The following ADAMTSL1 variants were observed in gnomAD, a reference collection of about 807,000 sequenced individuals.
ADAMTSL1 encodes the protein ADAMTS-like protein 1.
Under a neutral mutation model 201.8 loss-of-function variants are expected in ADAMTSL1, and 126 were observed. That is an observed-to-expected ratio of 0.62 (90% CI 0.54 to 0.72). The LOEUF (loss-of-function observed/expected upper bound fraction) is 0.72. Among genes scored for constraint, ADAMTSL1 ranks in the 30% least tolerant of loss-of-function variants. The pLI, the probability that ADAMTSL1 is intolerant of heterozygous loss-of-function variation, is 0.00. For missense variants in ADAMTSL1, 2,679 were observed against 2,277.8 expected (o/e 1.18, Z -3.59); for synonymous variants, 1,121 against 903.4 (o/e 1.24, Z -4.32).
At chr9:18,566,501 A>G (rs1821901963) in intron 3 of ADAMTSL1, among the ~76,000 whole-genome samples, 1 of 152,324 alleles carries the variant, frequency 6.6e-6, no homozygotes, top group Non-Finnish European at 1.5e-5. Flanking sequence ...AGCAGTGGGA[A>G]TGGGATTGCA....
chr9:18,577,558 G>A (rs1276068238), intron 4 of ADAMTSL1, among the ~76,000 whole-genome samples: 5 of 152,082 alleles, frequency 3.3e-5, no homozygotes, highest in African/African-American at 4.8e-5. Flanking sequence ...GTCAAGATAC[G>A]CAACGTCCCT....
At chr9:18,354,295 T>C (rs1170150198) in intron 2 of ADAMTSL1, among the ~76,000 whole-genome samples, 2 of 152,062 alleles carry the variant, frequency 1.3e-5, no homozygotes, top group African/African-American at 2.4e-5. Context: ...ATAATATAAA[T>C]AAATATTATT....
intron 1 of ADAMTSL1, among the ~76,000 whole-genome samples, chr9:18,126,931 G>A (rs1397585926): frequency 6.6e-6 from 1 of 152,170 alleles, no homozygotes; most frequent in East Asian, 1.9e-4. Context: ...TATCATCGGT[G>A]GTAAGCATCA....
intron 1 of ADAMTSL1, among the ~76,000 whole-genome samples, chr9:18,137,325 C>T (rs1826201044): frequency 6.6e-6 from 1 of 152,104 alleles, no homozygotes; most frequent in South Asian, 2.1e-4. Context: ...AATTATAATA[C>T]ATATCATAGA....
rs572989443 is a variant in ADAMTSL1 at position 17,987,486 on chromosome 9, C to T, written c.87+80564C>T. Among the ~76,000 whole-genome samples, 41 of 152,024 alleles carry T rather than the reference C, an allele frequency of 2.7e-4. 1 individual carries two copies. In the South Asian group the frequency reaches 4.4e-3, roughly 16 times the overall value. On this transcript the variant is annotated intron_variant, in intron 1 of 29. Coordinates refer to the ADAMTSL1 transcript ENST00000680146. Reference sequence around the variant, plus strand: ...ATGACTAAAGCAAAGAGAATTTAAACGAAATATGGAAGAGGGAAGTGTTTA... The same window carrying T: ...ATGACTAAAGCAAAGAGAATTTAAATGAAATATGGAAGAGGGAAGTGTTTA...
At chr9:17,962,611 G>A (rs546198943) in intron 1 of ADAMTSL1, among the ~76,000 whole-genome samples, 1 of 152,178 alleles carries the variant, frequency 6.6e-6, no homozygotes, top group Admixed American at 6.5e-5. Flanking sequence ...CCTGGAACCA[G>A]TGTGCTTCAA....
At chr9:17,985,704 G>T (rs1387364527) in intron 1 of ADAMTSL1, among the ~76,000 whole-genome samples, 1 of 152,052 alleles carries the variant, frequency 6.6e-6, no homozygotes, top group Non-Finnish European at 1.5e-5. Context: ...AATATCACAT[G>T]GGAAGCAAGC....
At chr9:18,171,761 A>G (rs1002135540) in intron 2 of ADAMTSL1, among the ~76,000 whole-genome samples, 3 of 152,076 alleles carry the variant, frequency 2.0e-5, no homozygotes, top group African/African-American at 7.2e-5. Flanking sequence ...GCCCATGCCT[A>G]TGTCCTGAAT....
intron 1 of ADAMTSL1, among the ~76,000 whole-genome samples, chr9:18,480,648 C>T (rs1270628451): frequency 6.6e-6 from 1 of 152,286 alleles, no homozygotes; most frequent in Admixed American, 6.5e-5. Flanking sequence ...AATTTAGATG[C>T]TATACATGCC....
At chr9:17,972,311 C>A in intron 1 of ADAMTSL1, among the ~76,000 whole-genome samples, 1 of 84,134 alleles carries the variant, frequency 1.2e-5, no homozygotes, top group Middle Eastern at 5.4e-3. Flanking sequence ...TATCCCTCCC[C>A]CCTCCCCCCA....
In ADAMTSL1 at chr9:18,030,075, C is replaced by T. The variant is rs1283515730; in HGVS notation, c.87+123153C>T. On this transcript the variant is annotated intron_variant, in intron 1 of 29. Transcript: ENST00000680146. ...TATACCCAAAGGATTATAAATCCTG[C>T]TGCTATAAAGACACATGCACACATA... Among the ~76,000 whole-genome samples the T allele has an allele frequency of 3.9e-5, 6 of 152,176 alleles. No homozygotes were observed. In the East Asian group the frequency reaches 5.8e-4, roughly 15 times the overall value.
At chr9:18,132,376 C>A (rs145356029) in intron 1 of ADAMTSL1, among the ~76,000 whole-genome samples, 25 of 152,270 alleles carry the variant, frequency 1.6e-4, no homozygotes, top group African/African-American at 5.8e-4. Flanking sequence ...TGTGTCCAAC[C>A]ATTACTGCTA....
intron 2 of ADAMTSL1, among the ~76,000 whole-genome samples, chr9:18,228,292 G>A (rs1362757623): frequency 3.3e-5 from 5 of 152,178 alleles, no homozygotes; most frequent in African/African-American, 4.8e-5. Context: ...GGGCACTTGG[G>A]CACTGAAGGA....
intron 1 of ADAMTSL1, among the ~76,000 whole-genome samples, chr9:18,060,486 T>C (rs114945891): frequency 0.013 from 2,028 of 152,268 alleles, 60 homozygotes; most frequent in African/African-American, 0.046. Flanking sequence ...CCTTCCAGCT[T>C]CAGCTTCTGA....
At chr9:18,469,185 C>A (rs1173516737), upstream of ADAMTSL1, among the ~76,000 whole-genome samples, 1 of 152,306 alleles carries the variant, frequency 6.6e-6, no homozygotes, top group South Asian at 2.1e-4. Flanking sequence ...AAACTCCTCA[C>A]TGAGTCCTTA....
intron 3 of ADAMTSL1, among the ~76,000 whole-genome samples, chr9:18,543,096 A>T (rs34630851): frequency 0.049 from 7,465 of 152,274 alleles, 226 homozygotes; most frequent in Middle Eastern, 0.11. Flanking sequence ...CTTTGGCCAA[A>T]TACTTGATTG....
intron 23 of ADAMTSL1, among the ~76,000 whole-genome samples, chr9:18,845,636 C>T (rs1392835712): frequency 5.9e-5 from 9 of 152,224 alleles, no homozygotes; most frequent in Admixed American, 5.2e-4. Flanking sequence ...GCATTTTTTT[C>T]TCTGCTTATT....
intron 1 of ADAMTSL1, among the ~76,000 whole-genome samples, chr9:17,965,009 T>C (rs1407061172): frequency 6.6e-6 from 1 of 152,104 alleles, no homozygotes; most frequent in East Asian, 1.9e-4. Context: ...TGCCACAGCC[T>C]CTTAAAGTGC....
At chr9:18,410,907 T>C (rs546035780) in intron 2 of ADAMTSL1, among the ~76,000 whole-genome samples, 1 of 151,290 alleles carries the variant, frequency 6.6e-6, no homozygotes, top group African/African-American at 2.4e-5. Flanking sequence ...AGTGGTGCAA[T>C]CTTGTCTTAC....
Sources: gnomAD v4.1 joint callset for allele counts (sites outside exome capture counted in the v4.1 genomes callset) on GRCh38, gnomAD v4.1.1 for gene constraint, MANE v1.5 for transcripts, NCBI Gene and HGNC (gene_info 2026-07-23, HGNC 2026-07-21) for gene names.